Variants in AHI1 observed in about 807,000 individuals in gnomAD.
The protein encoded by AHI1 is jouberin.
Under a neutral mutation model 149.3 loss-of-function variants are expected in AHI1, and 123 were observed. That is an observed-to-expected ratio of 0.82 (90% CI 0.71 to 0.96). The LOEUF is 0.96. Ranked by LOEUF, AHI1 falls within the 40% of genes least tolerant of loss-of-function variation. AHI1 has a pLI of 0.00. For synonymous variants in AHI1, 475 were observed against 459.8 expected, an observed-to-expected ratio of 1.03 and a Z score of -0.42; for missense variants, 1,439 against 1,422.7, an observed-to-expected ratio of 1.01 and a Z score of -0.18.
chr6:135,400,157 T>C (rs189353861), intron 22 of AHI1, among the ~76,000 whole-genome samples: 1 of 152,254 alleles, frequency 6.6e-6, no homozygotes, highest in East Asian at 1.9e-4. Context: ...GAAAAAATAA[T>C]TATGTTTTTA....
At chr6:135,447,279 G>C in intron 12 of AHI1, 119 bp from the exon 13 acceptor site, 1 of 724,876 alleles carries the variant, frequency 1.4e-6, no homozygotes, top group East Asian at 3.4e-5. Flanking sequence ...ATGTAATCCA[G>C]AAAAAAATTC....
chr6:135,356,292 T>C (rs1792953724), intron 24 of AHI1, among the ~76,000 whole-genome samples: 1 of 152,228 alleles, frequency 6.6e-6, no homozygotes, highest in South Asian at 2.1e-4. Context: ...AGACTCCTTT[T>C]TTTCCTCCCT....
At chr6:135,411,039 G>A (rs960477672) in intron 21 of AHI1, among the ~76,000 whole-genome samples, 2 of 152,096 alleles carry the variant, frequency 1.3e-5, no homozygotes, top group African/African-American at 4.8e-5. Flanking sequence ...TCTTTCCTAG[G>A]AGATGGAGTC....
chr6:135,319,462 G>A (rs781315001), intron 25 of AHI1, among the ~76,000 whole-genome samples: 13 of 152,136 alleles, frequency 8.5e-5, no homozygotes, highest in Non-Finnish European at 1.5e-4. Context: ...GAGACAGGGC[G>A]AGACTCTGTC....
At chr6:135,299,835 T>A (rs1783626434) in intron 27 of AHI1, among the ~76,000 whole-genome samples, 4 of 152,290 alleles carry the variant, frequency 2.6e-5, no homozygotes, top group Middle Eastern at 3.4e-3. Flanking sequence ...TTTTTCTTAA[T>A]GCTTCAAAAA....
At chr6:135,369,822 T>C (rs1186870343) in intron 23 of AHI1, among the ~76,000 whole-genome samples, 1 of 152,196 alleles carries the variant, frequency 6.6e-6, no homozygotes, top group African/African-American at 2.4e-5. Context: ...TTATCTGTTA[T>C]AATCTTCAGG....
intron 23 of AHI1, among the ~76,000 whole-genome samples, chr6:135,362,228 C>A (rs1022498946): frequency 1.3e-5 from 2 of 152,042 alleles, no homozygotes; most frequent in African/African-American, 4.8e-5. Context: ...TTTGCAATTG[C>A]AAATTGTGCT....
At chr6:135,340,650 CATACATACATATATATATATATATATAT>C (rs1790165774) in intron 24 of AHI1, among the ~76,000 whole-genome samples, 1 of 52,650 alleles carries the variant, frequency 1.9e-5, no homozygotes, top group South Asian at 7.0e-4. Flanking sequence ...CATATATATA[CATACATACATATATATATATATATATAT>C]ATATATATAT....
intron 21 of AHI1, among the ~76,000 whole-genome samples, chr6:135,405,859 CA>C (rs543403253): frequency 8.1e-3 from 239 of 29,424 alleles, no homozygotes; most frequent in African/African-American, 0.011. Context: ...GACTCCAACT[CA>C]AAAAAAAAAA....
chr6:135,294,562 T>C (rs530492481), intron 27 of AHI1, among the ~76,000 whole-genome samples: 290 of 147,930 alleles, frequency 2.0e-3, no homozygotes, highest in African/African-American at 6.9e-3. Context: ...AAAAGAGAAA[T>C]AGAAAAATAA....
At chr6:135,346,451 C>A (rs368026095) in intron 24 of AHI1, among the ~76,000 whole-genome samples, 2 of 152,040 alleles carry the variant, frequency 1.3e-5, no homozygotes, top group Non-Finnish European at 2.9e-5. Context: ...CTGCCCACCT[C>A]GGCATCCCAA....
intron 24 of AHI1, among the ~76,000 whole-genome samples, chr6:135,353,357 T>C (rs1792452633): frequency 6.6e-6 from 1 of 152,132 alleles, no homozygotes; most frequent in South Asian, 2.1e-4. Flanking sequence ...GGTTCTATTT[T>C]ATGAGTTTTA....
intron 20 of AHI1, among the ~76,000 whole-genome samples, chr6:135,422,658 TAC>T (rs1783368301): frequency 6.6e-6 from 1 of 151,460 alleles, no homozygotes. Context: ...TATGTATGTA[TAC>T]ATGTATGTAT....
chr6:135,344,796 A>G (rs1344270874), intron 24 of AHI1, among the ~76,000 whole-genome samples: 12 of 151,752 alleles, frequency 7.9e-5, no homozygotes, highest in African/African-American at 4.8e-5. Flanking sequence ...GAGAATCCAT[A>G]AAGTGAAAGC....
intron 5 of AHI1, 77 bp from the exon 6 acceptor site, chr6:135,467,711 A>G: frequency 9.8e-7 from 1 of 1,025,512 alleles, no homozygotes; most frequent in South Asian, 1.8e-5. Flanking sequence ...TTAATGTTCA[A>G]CTATGTGGAA....
At chr6:135,391,930 G>C (rs943595031) in intron 23 of AHI1, among the ~76,000 whole-genome samples, 1 of 150,976 alleles carries the variant, frequency 6.6e-6, no homozygotes, top group African/African-American at 2.5e-5. Context: ...CTAAACAACT[G>C]GGTGAATGGT....
chr6:135,404,563 T>C (rs567248610), intron 22 of AHI1, among the ~76,000 whole-genome samples: 3 of 152,352 alleles, frequency 2.0e-5, no homozygotes, highest in South Asian at 4.1e-4. Context: ...AAATCATTTA[T>C]GTACAGCTTG....
intron 28 of AHI1, among the ~76,000 whole-genome samples, chr6:135,288,321 T>C (rs1781936180): frequency 1.3e-5 from 2 of 151,998 alleles, no homozygotes; most frequent in South Asian, 2.1e-4. Flanking sequence ...AGCCCTGAAC[T>C]TGGGGCAAGA....
At chr6:135,448,152 A>G in intron 12 of AHI1, 138 bp downstream of exon 12, 1 of 509,038 alleles carries the variant, frequency 2.0e-6, no homozygotes, top group Non-Finnish European at 3.1e-6. Context: ...ATCAGCTATT[A>G]CAGGCTTAAT....
Sources: gnomAD v4.1 joint callset for allele counts (sites outside exome capture counted in the v4.1 genomes callset) on GRCh38, gnomAD v4.1.1 for gene constraint, MANE v1.5 for transcripts, NCBI Gene and HGNC (gene_info 2026-07-23, HGNC 2026-07-21) for gene names.